The following SIDT1 variants were observed in gnomAD, a reference collection of about 807,000 sequenced individuals.
SIDT1 encodes SID1 transmembrane family member 1, also known as SID1 transmembrane family, member 1.
In SIDT1, 101 loss-of-function variants were observed where a neutral mutation model predicts 107.5. That is an observed-to-expected ratio of 0.94 (90% CI 0.80 to 1.11). The LOEUF (loss-of-function observed/expected upper bound fraction) is 1.11. Among genes scored for constraint, SIDT1 ranks in the 50% least tolerant of loss-of-function variants. SIDT1 has a pLI of 0.00. For synonymous variants in SIDT1, 395 were observed against 398.2 expected (o/e 0.99, Z 0.10); for missense variants, 1,076 against 1,058.2 (o/e 1.02, Z -0.23).
At chr3:113,557,381 C>T (rs535896530) in intron 1 of SIDT1, among the ~76,000 whole-genome samples, 24 of 152,262 alleles carry the variant, frequency 1.6e-4, no homozygotes, top group African/African-American at 5.5e-4. Flanking sequence ...TCAATGTGAC[C>T]TTACTTGGAA....
At chr3:113,576,885 C>T in intron 3 of SIDT1, 37 bp from the exon 4 acceptor site, 1 of 1,607,492 alleles carries the variant, frequency 6.2e-7, no homozygotes, top group Non-Finnish European at 8.5e-7. Context: ...TTTTCTCTCA[C>T]TTTTCCCCTT....
In SIDT1 at chr3:113,576,977, G is replaced by A. The variant is rs755994409; in HGVS notation, c.561+10G>A. On this transcript the variant is annotated intron_variant, in intron 4 of 24. Coordinates refer to ENST00000264852, the MANE Select transcript of SIDT1 (RefSeq NM_017699.3). The stretch of plus-strand genomic sequence containing the variant: ...CCCCTCTCAACCTCAGGTAAGTGAA[G>A]GGGTTCCAAGAGTTATCAACATCCT... 3 of 1,613,900 alleles carry A rather than the reference G, an allele frequency of 1.9e-6. No homozygotes were observed. The highest frequency in any genetic ancestry group is 1.7e-6 in the Non-Finnish European group (2 of 1,179,750).
At chr3:113,544,735 G>GGGAAA (rs1313571459) in intron 1 of SIDT1, among the ~76,000 whole-genome samples, 18 of 152,252 alleles carry the variant, frequency 1.2e-4, no homozygotes, top group South Asian at 2.1e-4. Context: ...CCTATTACTA[G>GGGAAA]TATGGTTAAC....
chr3:113,607,111 T>G lies in SIDT1; in HGVS notation c.1475T>G (p.Leu492Arg). Residue 492 changes from leucine (L) to arginine (R), a missense_variant, in exon 15 of 25, where the codon CTG (leucine) becomes CGG (arginine). Leu to Arg is a moderately radical substitution (Grantham distance 102). Transcript: ENST00000264852. ...NFLCAHPLGV[L>R]SAFNNILSNL... is the part of the protein sequence containing the mutation. ...CTCTGTGCTCACCCCTTGGGCGTCC[T>G]GAGGTAAACCCAGTCCTCTGGTTGC... The G allele has an allele frequency of 6.2e-7, 1 of 1,606,242 alleles. No individual in the cohort carries two copies. Among genetic ancestry groups the G allele is most frequent in the East Asian group, 2.2e-5 (1 of 44,824 alleles).
At position 113,623,419 on chromosome 3, in the gene SIDT1, G is replaced by T; in HGVS notation, c.2091-8G>T. ...TCACGGCTGCCCACATTTCTCCCAC[G>T]CCTGCAGCGCCCTCTTTGGATTGAT... On this transcript the variant is annotated splice_polypyrimidine_tract_variant and splice_region_variant and intron_variant, in intron 21 of 24. Transcript: ENST00000264852. 6.2e-7 allele frequency: 1 copy of T among 1,600,352 alleles called. No homozygotes were observed. The highest frequency in any genetic ancestry group is 1.7e-4 in the Middle Eastern group (1 of 6,022).
intron 12 of SIDT1, 66 bp downstream of exon 12, chr3:113,603,216 C>CA (rs1945088028): frequency 2.0e-6 from 3 of 1,483,296 alleles, no homozygotes; most frequent in Non-Finnish European, 2.8e-6. Context: ...TAAACTTCAG[C>CA]AATACCTCAG....
Position 113,627,715 on chromosome 3 carries a change from A to G in SIDT1, c.*7A>G. The G allele has an allele frequency of 6.2e-7, 1 of 1,613,160 alleles. No individual in the cohort carries two copies. The highest frequency in any genetic ancestry group is 8.5e-7 in the Non-Finnish European group (1 of 1,179,796). ...CCAGATCCCTGTCTTCTGAACCTCC[A>G]ACATTAAGAGAGGGGAGGGAGCGAT... On this transcript the variant is annotated 3_prime_UTR_variant, in exon 25 of 25. Transcript: ENST00000264852.
At chr3:113,561,410 G>T (rs1941417619) in intron 1 of SIDT1, among the ~76,000 whole-genome samples, 1 of 152,194 alleles carries the variant, frequency 6.6e-6, no homozygotes, top group African/African-American at 2.4e-5. Flanking sequence ...AAGGTAAGTG[G>T]ATTGCGAAAG....
chr3:113,620,192 ATGTGTGTG>A (rs3085042), intron 21 of SIDT1, among the ~76,000 whole-genome samples: 7 of 144,656 alleles, frequency 4.8e-5, no homozygotes, highest in Admixed American at 2.1e-4. Flanking sequence ...CTTTTACTAA[ATGTGTGTG>A]TGTGTGTGTG....
At chr3:113,607,969 A>G in intron 15 of SIDT1, 125 bp from the exon 16 acceptor site, 1 of 1,122,796 alleles carries the variant, frequency 8.9e-7, no homozygotes. Flanking sequence ...TCTGATCTTG[A>G]AACCTTATGG....
intron 1 of SIDT1, among the ~76,000 whole-genome samples, chr3:113,565,677 AT>A (rs946017414): frequency 6.6e-6 from 1 of 152,238 alleles, no homozygotes; most frequent in African/African-American, 2.4e-5. Flanking sequence ...TGTTACTGAT[AT>A]AAAAAAGCAT....
chr3:113,602,260 G>T, intron 11 of SIDT1: 1 of 152,470 alleles, frequency 6.6e-6, no homozygotes, highest in Non-Finnish European at 1.5e-5. Flanking sequence ...GTGGACCTAT[G>T]AATGGTGCTC....
At chr3:113,599,404 C>A (rs188778043) in intron 10 of SIDT1, among the ~76,000 whole-genome samples, 1 of 152,350 alleles carries the variant, frequency 6.6e-6, no homozygotes, top group Admixed American at 6.5e-5. Flanking sequence ...GAGCCTCAAC[C>A]TCTTTGTCTC....
intron 1 of SIDT1, among the ~76,000 whole-genome samples, chr3:113,545,479 T>C (rs574610523): frequency 6.6e-6 from 1 of 152,342 alleles, no homozygotes; most frequent in African/African-American, 2.4e-5. Flanking sequence ...TTTTATATTG[T>C]GGGTATATAT....
At chr3:113,595,271 G>A (rs993116911) in intron 10 of SIDT1, among the ~76,000 whole-genome samples, 6 of 152,030 alleles carry the variant, frequency 3.9e-5, no homozygotes, top group Non-Finnish European at 8.8e-5. Context: ...CCCTCCTTGG[G>A]ACAACTAAAA....
At chr3:113,571,486 G>GCACACACACACACA (rs60256247) in intron 3 of SIDT1, among the ~76,000 whole-genome samples, 7,247 of 148,858 alleles carry the variant, frequency 0.049, 251 homozygotes, top group Middle Eastern at 0.11. Context: ...CCTATCCTCT[G>GCACACACACACACA]CACACACACA....
chr3:113,554,388 G>A (rs922706576), intron 1 of SIDT1, among the ~76,000 whole-genome samples: 13 of 152,202 alleles, frequency 8.5e-5, no homozygotes, highest in Middle Eastern at 3.4e-3. Flanking sequence ...TGTAGCTCCC[G>A]TAATCCCCAT....
intron 13 of SIDT1, among the ~76,000 whole-genome samples, 156 bp downstream of exon 13, chr3:113,604,189 A>G (rs1460518160): frequency 6.6e-6 from 1 of 152,206 alleles, no homozygotes; most frequent in African/African-American, 2.4e-5. Flanking sequence ...TGCAATGGCC[A>G]CACACATGGA....
At chr3:113,623,592 C>T in intron 22 of SIDT1, 31 bp from the exon 23 acceptor site, 1 of 1,601,264 alleles carries the variant, frequency 6.2e-7, no homozygotes, top group Non-Finnish European at 8.6e-7. Context: ...GGCGGGGTCG[C>T]GTGAGGCCGC....
Sources: allele counts gnomAD v4.1 joint callset (sites outside exome capture counted in the v4.1 genomes callset), GRCh38; gene constraint gnomAD v4.1.1; transcripts MANE v1.5; gene names NCBI Gene and HGNC (gene_info 2026-07-23, HGNC 2026-07-21).